The following STRIP2 variants were observed in gnomAD, a reference collection of about 807,000 sequenced individuals.
STRIP2 encodes the protein striatin interacting protein 2.
Under a neutral mutation model 107.1 loss-of-function variants are expected in STRIP2, and 84 were observed. That is an observed-to-expected ratio of 0.78 (90% CI 0.66 to 0.94). The LOEUF is 0.94. STRIP2 is among the 40% of genes least tolerant of loss of function. The probability of loss-of-function intolerance (pLI) is 0.00; values close to 1 mark genes in which losing one functional copy is unlikely to be tolerated. For synonymous variants in STRIP2, 394 were observed against 400.4 expected, an observed-to-expected ratio of 0.98 and a Z score of 0.19; for missense variants, 888 against 1,034.2, an observed-to-expected ratio of 0.86 and a Z score of 1.94.
At chr7:129,455,400 T>C (rs886117309) in intron 8 of STRIP2, 29 bp downstream of exon 8, 9 of 1,605,702 alleles carry the variant, frequency 5.6e-6, no homozygotes, top group Non-Finnish European at 7.6e-6. Context: ...TCCCACATTA[T>C]CAGATCAGCA....
intron 2 of STRIP2, among the ~76,000 whole-genome samples, chr7:129,443,028 T>G (rs1797941169): frequency 1.3e-5 from 2 of 150,146 alleles, no homozygotes; most frequent in Non-Finnish European, 3.0e-5. Context: ...TTTATTTCTT[T>G]TCTTCTTTCT....
intron 1 of STRIP2, among the ~76,000 whole-genome samples, chr7:129,436,927 A>G (rs1306317777): frequency 2.0e-5 from 3 of 152,200 alleles, no homozygotes; most frequent in African/African-American, 7.2e-5. Context: ...AAAAGGATTC[A>G]CCTCAGACCT....
intron 18 of STRIP2, among the ~76,000 whole-genome samples, chr7:129,472,775 CCTTTTTTTT>C (rs1255415472): frequency 2.8e-4 from 19 of 68,888 alleles, no homozygotes; most frequent in East Asian, 8.8e-4. Flanking sequence ...CTTTTCTTTT[CCTTTTTTTT>C]TTTTTTTTTT....
intron 1 of STRIP2, among the ~76,000 whole-genome samples, chr7:129,439,502 A>G (rs1441373618): frequency 6.6e-6 from 1 of 152,242 alleles, no homozygotes; most frequent in Non-Finnish European, 1.5e-5. Flanking sequence ...AATCTTTACT[A>G]CAACTTGGAG....
intron 9 of STRIP2, among the ~76,000 whole-genome samples, chr7:129,457,503 G>C (rs1384297309): frequency 6.6e-6 from 1 of 152,168 alleles, no homozygotes; most frequent in Non-Finnish European, 1.5e-5. Flanking sequence ...GTTATACTGA[G>C]ATCTGACTAT....
At chr7:129,475,818 C>A (rs1045102498) in intron 18 of STRIP2, among the ~76,000 whole-genome samples, 6 of 152,026 alleles carry the variant, frequency 3.9e-5, no homozygotes, top group Non-Finnish European at 5.9e-5. Flanking sequence ...CATCTTGCAC[C>A]GCCCTTAATC....
At chr7:129,445,958 C>T (rs754920460) in intron 3 of STRIP2, among the ~76,000 whole-genome samples, 4 of 152,180 alleles carry the variant, frequency 2.6e-5, no homozygotes, top group Admixed American at 6.5e-5. Context: ...CAGAAGAGGT[C>T]CAATACAATC....
chr7:129,474,947 A>T (rs1798877773), intron 18 of STRIP2, among the ~76,000 whole-genome samples: 1 of 152,228 alleles, frequency 6.6e-6, no homozygotes, highest in South Asian at 2.1e-4. Flanking sequence ...AAGTATTCCC[A>T]TTTTGTCAAA....
At chr7:129,447,965 C>T (rs971486080) in intron 3 of STRIP2, among the ~76,000 whole-genome samples, 1 of 152,216 alleles carries the variant, frequency 6.6e-6, no homozygotes, top group Admixed American at 6.5e-5. Flanking sequence ...TCTCCACAAT[C>T]CCTCCAGGGA....
intron 13 of STRIP2, among the ~76,000 whole-genome samples, chr7:129,462,592 T>C (rs1395296603): frequency 2.6e-5 from 4 of 152,228 alleles, no homozygotes; most frequent in Non-Finnish European, 4.4e-5. Context: ...CTCCAGTCCA[T>C]AGGTTACCCA....
intron 20 of STRIP2, 104 bp from the exon 21 acceptor site, chr7:129,485,475 A>AAAT: frequency 3.1e-6 from 4 of 1,277,714 alleles, no homozygotes; most frequent in Non-Finnish European, 2.1e-6. Flanking sequence ...AAAAAAAAGA[A>AAAT]TTTCTGAGCA....
chr7:129,437,303 C>T (rs1338209913), intron 1 of STRIP2, among the ~76,000 whole-genome samples: 3 of 151,960 alleles, frequency 2.0e-5, no homozygotes, highest in African/African-American at 2.4e-5. Flanking sequence ...AAGATTTAGC[C>T]AGGCATGATG....
Position 129,434,501 on chromosome 7 carries a change from G to A in STRIP2, c.29G>A (p.Gly10Glu), listed in dbSNP as rs771901284. The change falls in exon 1 of 21, where the codon GGG (glycine) becomes GAG (glutamate). Residue 10 changes from glycine (G) to glutamate (E), a missense_variant. By Grantham distance (98) the Gly-to-Glu change is moderately conservative. Coordinates refer to ENST00000249344, the MANE Select transcript of STRIP2 (RefSeq NM_020704.3). ...GAGGACCCCGCCGCGCCTGGGACCG[G>A]GGGCCCGCCCGCAAATGGCAATGGC... Reference protein sequence around the residue: MEDPAAPGTGGPPANGNGNG... With the variant: MEDPAAPGTEGPPANGNGNG... 2.5e-5 allele frequency: 38 copies of A among 1,517,498 alleles called. No homozygotes were observed. Among genetic ancestry groups the A allele is most frequent in the Admixed American group, 6.0e-5 (3 of 50,018 alleles). The allele number at this position is 1,517,498 out of a possible 1,614,324, so 94.0% of individuals were successfully genotyped here. A position where few individuals can be genotyped will look rare whatever the true frequency, so the allele number is the denominator to read the frequency against.
At chr7:129,442,823 G>A (rs1284822509) in intron 2 of STRIP2, among the ~76,000 whole-genome samples, 1 of 152,150 alleles carries the variant, frequency 6.6e-6, no homozygotes, top group African/African-American at 2.4e-5. Flanking sequence ...TGGAACATAA[G>A]TGAATTTCTC....
intron 7 of STRIP2, 49 bp downstream of exon 7, chr7:129,454,576 G>A (rs764425047): frequency 1.6e-6 from 2 of 1,219,572 alleles, no homozygotes; most frequent in East Asian, 2.3e-5. Flanking sequence ...TAATGGGAGA[G>A]GGGAAGCAGA....
In STRIP2 at chr7:129,456,534, G is replaced by T; in HGVS notation, c.930G>T (p.Val310=). 1 of 1,614,070 alleles carries T rather than the reference G, an allele frequency of 6.2e-7. No individual in the cohort carries two copies. The highest frequency in any genetic ancestry group is 1.1e-5 in the South Asian group (1 of 91,074). The part of the protein sequence containing the change: ...LPPLAEDSIQ[V]VKSMRAASPP... ...CACTGGCTGAAGACAGTATCCAGGT[G>T]GTGAAGAGCATGCGTGCTGCCTCCC... Residue 310 remains valine (V), a synonymous_variant, in exon 9 of 21, where the codon GTG becomes GTT. Transcript: ENST00000249344.
Position 129,480,890 on chromosome 7 carries a change from G to T in STRIP2, c.2049+1G>T. ...CAAATGGAAACATTCCCGGACCATG[G>T]TGAGTGTGGTTTTTTACATCATGGA... On this transcript the variant is annotated splice_donor_variant, in intron 19 of 20. Transcript: ENST00000249344. LOFTEE classifies it high-confidence loss of function. The T allele has an allele frequency of 6.2e-7, 1 of 1,607,718 alleles. No individual in the cohort carries two copies. Among genetic ancestry groups the T allele is most frequent in the Non-Finnish European group, 8.5e-7 (1 of 1,177,846 alleles).
In STRIP2 at chr7:129,455,369, A is replaced by G; in HGVS notation, c.832A>G (p.Met278Val). The G allele has an allele frequency of 6.2e-7, 1 of 1,612,234 alleles. No individual in the cohort carries two copies. The highest frequency in any genetic ancestry group is 1.1e-5 in the South Asian group (1 of 90,718). The change falls in exon 8 of 21, where the codon ATG becomes GTG. Residue 278 changes from methionine to valine, a missense_variant and splice_region_variant. Physicochemically the swap from Met to Val is conservative, Grantham distance 21. Transcript: ENST00000249344. ...CCTGCTCCTGCTCTGGAAGGTGGTC[A>G]TGGTGAGTAATTCTCCCCACTCCCA... ...KVLLLLWKVVMFTLGGFEHLQ... is the reference protein window; with the variant it reads ...KVLLLLWKVVVFTLGGFEHLQ...
intron 18 of STRIP2, chr7:129,478,061 C>A: frequency 2.9e-6 from 1 of 339,286 alleles, no homozygotes; most frequent in Non-Finnish European, 5.9e-6. Context: ...GGTGGTGATA[C>A]GAAGAAATAG....
Sources: gnomAD v4.1 joint callset for allele counts (sites outside exome capture counted in the v4.1 genomes callset) on GRCh38, gnomAD v4.1.1 for gene constraint, MANE v1.5 for transcripts, NCBI Gene and HGNC (gene_info 2026-07-23, HGNC 2026-07-21) for gene names.